The following CDH23 variants were observed in gnomAD, a reference collection of about 807,000 sequenced individuals.
CDH23 encodes the protein cadherin related 23.
In CDH23, 189 loss-of-function variants were observed where a neutral mutation model predicts 317.1. That is an observed-to-expected ratio of 0.60 (90% CI 0.53 to 0.67). The LOEUF (loss-of-function observed/expected upper bound fraction) is 0.67, where lower values mean the gene tolerates loss of function less well. Among genes scored for constraint, CDH23 ranks in the 30% least tolerant of loss-of-function variants. The pLI is 0.00. For synonymous variants in CDH23, 1,839 were observed against 1,876.8 expected (o/e 0.98, Z 0.52); for missense variants, 4,401 against 4,592.4 (o/e 0.96, Z 1.20).
Position 71,738,563 on chromosome 10 carries a change from G to A in CDH23, c.4275G>A (p.Ala1425=), listed in dbSNP as rs369559033. ...SPRFDFTSDS[A]VSIPEDCPVG... ...GGTTTGACTTCACCTCCGACTCGGC[G>A]GTCAGCATACCCGAGGACTGCCCTG... The change falls in exon 35 of 70, where the codon GCG becomes GCA. Residue 1425 remains alanine, a synonymous_variant. Transcript: ENST00000224721. 3.6e-5 allele frequency: 58 copies of A among 1,613,808 alleles called. No homozygotes were observed. The highest frequency in any genetic ancestry group is 4.4e-5 in the South Asian group (4 of 91,084).
chr10:71,581,348 G>A (rs771610335), intron 9 of CDH23, among the ~76,000 whole-genome samples: 3 of 152,162 alleles, frequency 2.0e-5, no homozygotes, highest in Non-Finnish European at 4.4e-5. Flanking sequence ...GAGTCTCTGG[G>A]GCACCCCCAG....
In CDH23 at chr10:71,473,657, T is replaced by C. The variant is rs549641262; in HGVS notation, c.145+27262T>C. ...AAAAAAGTACTTACTTCCAACATTC[T>C]TGGGATCATCAAATACATGTGAAAA... is the stretch of plus-strand genomic sequence containing the variant. On this transcript the variant is annotated intron_variant, in intron 3 of 69. Transcript: ENST00000224721. Among the ~76,000 whole-genome samples the C allele has an allele frequency of 2.1e-4, 32 of 152,354 alleles. 1 individual carries two copies. In the South Asian group the frequency reaches 6.4e-3, roughly 31 times the overall value.
rs139640250 is a variant in CDH23 at position 71,539,959 on chromosome 10, C to T, written c.430-26783C>T. 4.5e-3 allele frequency among the ~76,000 whole-genome samples: 683 copies of T among 152,258 alleles called. 11 individuals carry two copies. Among genetic ancestry groups the T allele is most frequent in the African/African-American group, 0.016 (648 of 41,528 alleles). On this transcript the variant is annotated intron_variant, in intron 6 of 69. Coordinates refer to ENST00000224721, the MANE Select transcript of CDH23 (RefSeq NM_022124.6). ...AGAGCAAGGATGCTCACTGGTGTAG[C>T]GCCTGGCAGGGAGCAAGTTGGCTTC...
chr10:71,656,895 C>T (rs942310604), intron 14 of CDH23, among the ~76,000 whole-genome samples: 3 of 152,110 alleles, frequency 2.0e-5, no homozygotes, highest in African/African-American at 7.2e-5. Flanking sequence ...CTCCTCGATG[C>T]TCCTCAGTGG....
At chr10:71,589,194 A>G (rs920016842) in intron 9 of CDH23, among the ~76,000 whole-genome samples, 11 of 152,192 alleles carry the variant, frequency 7.2e-5, no homozygotes, top group African/African-American at 2.4e-4. Context: ...ATCTTGGCTC[A>G]CTGCAACCTC....
intron 1 of CDH23, among the ~76,000 whole-genome samples, chr10:71,408,458 C>T (rs1180464557): frequency 6.6e-6 from 1 of 152,206 alleles, no homozygotes; most frequent in Non-Finnish European, 1.5e-5. Context: ...GGTTTTCCTT[C>T]TCTGATCTTC....
intron 7 of CDH23, among the ~76,000 whole-genome samples, chr10:71,568,738 G>GC (rs1857561692): frequency 6.6e-6 from 1 of 152,202 alleles, no homozygotes; most frequent in South Asian, 2.1e-4. Context: ...TCAGTTCCCA[G>GC]CCACCACTGA....
intron 1 of CDH23, among the ~76,000 whole-genome samples, chr10:71,400,665 G>C (rs2131886391): frequency 6.6e-6 from 1 of 152,242 alleles, no homozygotes; most frequent in South Asian, 2.1e-4. Flanking sequence ...CAGACGTGGT[G>C]GTGGGCACCT....
chr10:71,449,300 T>C (rs1448671190), intron 3 of CDH23, among the ~76,000 whole-genome samples: 3 of 152,154 alleles, frequency 2.0e-5, no homozygotes, highest in Non-Finnish European at 4.4e-5. Context: ...GTTGGAGTTG[T>C]AAGCAGATCA....
chr10:71,415,137 G>A (rs1036118395), intron 1 of CDH23, among the ~76,000 whole-genome samples: 1 of 151,664 alleles, frequency 6.6e-6, no homozygotes, highest in Non-Finnish European at 1.5e-5. Flanking sequence ...TTTAGATAGG[G>A]TCTCACTCTA....
intron 28 of CDH23, among the ~76,000 whole-genome samples, chr10:71,722,558 C>T (rs952416842): frequency 6.6e-6 from 1 of 152,184 alleles, no homozygotes; most frequent in African/African-American, 2.4e-5. Flanking sequence ...CCAGGGATAT[C>T]GCAGTGCACA....
chr10:71,690,895 C>T (rs1589338919), intron 20 of CDH23, among the ~76,000 whole-genome samples: 1 of 152,286 alleles, frequency 6.6e-6, no homozygotes, highest in East Asian at 1.9e-4. Flanking sequence ...TTTATTAAAG[C>T]CTCAGGGTCC....
intron 38 of CDH23, among the ~76,000 whole-genome samples, chr10:71,760,038 CAT>C (rs796179515): frequency 3.0e-4 from 7 of 23,032 alleles, no homozygotes; most frequent in Admixed American, 1.0e-3. Flanking sequence ...CACACACACA[CAT>C]ATATACACAC....
rs754761985 is a variant in CDH23 at position 71,682,493 on chromosome 10, T to C, written c.1907T>C (p.Leu636Pro). The C allele has an allele frequency of 2.5e-6, 4 of 1,613,248 alleles. No individual in the cohort carries two copies. Among genetic ancestry groups the C allele is most frequent in the Non-Finnish European group, 3.4e-6 (4 of 1,179,578 alleles). The change falls in exon 18 of 70, where the codon CTG becomes CCG. Residue 636 changes from leucine (L) to proline (P), a missense_variant. By Grantham distance (98) the Leu-to-Pro change is moderately conservative (BLOSUM62 -3). Around this residue, in one of 3 missense-constraint regions of CDH23, gnomAD observed 3,068 missense variants for 3,203.3 expected, o/e 0.96. Coordinates refer to ENST00000224721, the MANE Select transcript of CDH23 (RefSeq NM_022124.6). Reference sequence around the variant, plus strand: ...GATTATGAACAGATATCCAATGGGCTGATTTATCTGACGGTCATGGCCATG... The same window carrying C: ...GATTATGAACAGATATCCAATGGGCCGATTTATCTGACGGTCATGGCCATG... Reference protein sequence around the residue: ...PLDYEQISNGLIYLTVMAMDA... With the variant: ...PLDYEQISNGPIYLTVMAMDA...
intron 38 of CDH23, among the ~76,000 whole-genome samples, chr10:71,743,493 C>T (rs1295243558): frequency 6.6e-6 from 1 of 152,010 alleles, no homozygotes; most frequent in African/African-American, 2.4e-5. Flanking sequence ...CTGAGGAGTC[C>T]AGGAAATGAG....
chr10:71,502,088 G>A (rs919935864), intron 3 of CDH23, among the ~76,000 whole-genome samples: 1 of 152,164 alleles, frequency 6.6e-6, no homozygotes, highest in Non-Finnish European at 1.5e-5. Flanking sequence ...ATGAGAAGGG[G>A]GCTTTGTCTG....
chr10:71,750,934 G>A (rs748600788), intron 38 of CDH23: 1 of 295,704 alleles, frequency 3.4e-6, no homozygotes, highest in Non-Finnish European at 6.3e-6. Flanking sequence ...GTCTCAGAAC[G>A]AGAGCTGCTG....
rs576280093 is a variant in CDH23 at position 71,661,868 on chromosome 10, CG to C, written c.1450-13243del. Among the ~76,000 whole-genome samples, 755 of 81,102 alleles carry C rather than the reference CG, an allele frequency of 9.3e-3. 13 individuals carry two copies. The highest frequency in any genetic ancestry group is 0.019 in the Middle Eastern group (3 of 158). The allele number at this position is 81,102 out of a possible 152,430, so 53.2% of individuals were successfully genotyped here. A position where few individuals can be genotyped will look rare whatever the true frequency, so the allele number is the denominator to read the frequency against. ...CCTGCACGTCCCCTCCCACCCTGCACGTCCCCTCCCACCCAGCGCGCCCCCT... is the reference window on the plus strand; with the variant it reads ...CCTGCACGTCCCCTCCCACCCTGCACTCCCCTCCCACCCAGCGCGCCCCCT... On this transcript the variant is annotated intron_variant, in intron 14 of 69. Coordinates refer to ENST00000224721, the MANE Select transcript of CDH23 (RefSeq NM_022124.6).
At chr10:71,693,079 G>A (rs574189788) in intron 20 of CDH23, among the ~76,000 whole-genome samples, 120 of 152,302 alleles carry the variant, frequency 7.9e-4, no homozygotes, top group African/African-American at 2.7e-3. Context: ...TCTTCACCAC[G>A]TGGGTGCTCT....
Sources: allele counts gnomAD v4.1 joint callset (sites outside exome capture counted in the v4.1 genomes callset), GRCh38; gene constraint gnomAD v4.1.1; regional missense constraint gnomAD v4.1.1; transcripts MANE v1.5; gene names NCBI Gene and HGNC (gene_info 2026-07-23, HGNC 2026-07-21).